CLDN10: variants seen among roughly 807,000 people sequenced by gnomAD.
CLDN10 encodes claudin-10.
A neutral mutation model predicts 22.9 loss-of-function variants in CLDN10; 15 were observed. The observed-to-expected ratio is 0.65, with a 90% CI of 0.44 to 1.01. CLDN10 has a LOEUF of 1.01. Ranked by LOEUF, CLDN10 falls within the 50% of genes least tolerant of loss-of-function variation. CLDN10 has a pLI of 0.00. For missense variants in CLDN10, 247 were observed against 287.8 expected (o/e 0.86, Z 1.03); for synonymous variants, 114 against 111.4 (o/e 1.02, Z -0.15).
chr13:95,555,315 C>T (rs556987782), intron 1 of CLDN10, among the ~76,000 whole-genome samples: 81 of 152,242 alleles, frequency 5.3e-4, no homozygotes, highest in Admixed American at 1.0e-3. Context: ...CCCAAAGTGC[C>T]GGGATTACAG....
At chr13:95,552,635 G>A (rs2138641897), upstream of CLDN10, 3 of 1,271,754 alleles carry the variant, frequency 2.4e-6, no homozygotes, top group Non-Finnish European at 3.1e-6. Flanking sequence ...CGCTGGGCGG[G>A]GTGGTGGGCG....
chr13:95,552,626 G>T, upstream of CLDN10: 2 of 1,228,736 alleles, frequency 1.6e-6, no homozygotes, highest in African/African-American at 1.6e-5. Flanking sequence ...CGCCGGGTCC[G>T]CTGGGCGGGG....
At chr13:95,526,351 A>G (rs2043280756) in intron 1 of CLDN10, among the ~76,000 whole-genome samples, 2 of 152,162 alleles carry the variant, frequency 1.3e-5, no homozygotes, top group African/African-American at 4.8e-5. Context: ...GAATTTAAGA[A>G]TTCATTAGAA....
intron 3 of CLDN10, among the ~76,000 whole-genome samples, chr13:95,567,122 A>G (rs1177046579): frequency 6.6e-6 from 1 of 152,088 alleles, no homozygotes; most frequent in Non-Finnish European, 1.5e-5. Context: ...TTGGTTTCAT[A>G]TGAATTTTAG....
chr13:95,512,828 G>T (rs2043118930), intron 1 of CLDN10, among the ~76,000 whole-genome samples: 1 of 152,172 alleles, frequency 6.6e-6, no homozygotes, highest in Non-Finnish European at 1.5e-5. Context: ...GCCAGGTTTT[G>T]ACTTTTGTTT....
At chr13:95,460,880 C>T (rs996008944) in intron 1 of CLDN10, among the ~76,000 whole-genome samples, 9 of 152,184 alleles carry the variant, frequency 5.9e-5, no homozygotes, top group East Asian at 1.9e-4. Context: ...AGGCTGAGGC[C>T]GGCGGATTGC....
rs529845677 is a variant in CLDN10, at chr13:95,573,333, G to A, written c.465-3898G>A. On this transcript the variant is annotated intron_variant, in intron 3 of 4. Transcript: ENST00000299339. Reference sequence around the variant, plus strand: ...ATGAAGTTCTGTCCTCAACCTGAAAGTCATGGATATGGATTGGTCCAGTGT... The same window carrying A: ...ATGAAGTTCTGTCCTCAACCTGAAAATCATGGATATGGATTGGTCCAGTGT... 3.9e-5 allele frequency among the ~76,000 whole-genome samples: 6 copies of A among 152,344 alleles called. No homozygotes were observed. The South Asian group carries it at 1.2e-3, about 32-fold the overall frequency.
In CLDN10 at chr13:95,552,782, C is replaced by T; in HGVS notation, c.29C>T (p.Ala10Val). The change falls in exon 1 of 5, where the codon GCC (alanine) becomes GTC (valine). Residue 10 changes from alanine to valine, a missense_variant. Physicochemically the swap from Ala to Val is moderately conservative, Grantham distance 64. Coordinates refer to ENST00000299339, the MANE Select transcript of CLDN10 (RefSeq NM_006984.5). MASTASEII[A>V]FMVSISGWVL... is the part of the protein sequence containing the mutation. ...GCTAGCACGGCTTCGGAGATCATCG[C>T]CTTCATGGTCTCCATCTCAGGCTGG... is the stretch of plus-strand genomic sequence containing the variant. 9 of 1,613,554 alleles carry T rather than the reference C, an allele frequency of 5.6e-6. No homozygotes were observed. The highest frequency in any genetic ancestry group is 1.3e-5 in the African/African-American group (1 of 75,050).
In CLDN10 at chr13:95,579,740, A is replaced by G. The variant is rs2043988810; in HGVS notation, c.*1726A>G. On this transcript the variant is annotated 3_prime_UTR_variant, in exon 5 of 5. Coordinates refer to ENST00000299339, the MANE Select transcript of CLDN10 (RefSeq NM_006984.5). ...CAAGTTTGTTAAAAGATAAAAAATA[A>G]AAAAAATTCCATACCTTGATAATCC... is the stretch of plus-strand genomic sequence containing the variant. 6.6e-6 allele frequency: 1 copy of G among 152,220 alleles called. No individual in the cohort carries two copies. Among genetic ancestry groups the G allele is most frequent in the Non-Finnish European group, 1.5e-5 (1 of 68,032 alleles). The allele number at this position is 152,220 out of a possible 1,614,324, so 9.4% of individuals were successfully genotyped here.
rs55861640 is a variant in CLDN10 at position 95,570,858 on chromosome 13, G to GTATATATATATATATATATATATA, written c.465-6370_465-6347dup. 1.7e-3 allele frequency among the ~76,000 whole-genome samples: 203 copies of GTATATATATATATATATATATATA among 119,594 alleles called. 3 individuals carry two copies. The highest frequency in any genetic ancestry group is 2.3e-3 in the Non-Finnish European group (135 of 58,416). 78.5% of individuals were successfully genotyped at this position (119,594 alleles called of 152,430 possible). On this transcript the variant is annotated intron_variant, in intron 3 of 4. Transcript: ENST00000299339. ...CACACACACACACACATATACGTGTGTATATATATATATATATATATATAT... is the reference window on the plus strand; with the variant it reads ...CACACACACACACACATATACGTGTGTATATATATATATATATATATATATATATATATATATATATATATATAT...
rs912521036 is a variant in CLDN10, at chr13:95,434,152, T to G, written c.214+105T>G. 4.2e-5 allele frequency: 42 copies of G among 992,412 alleles called. No individual in the cohort carries two copies. The Admixed American group carries it at 8.5e-4, about 20-fold the overall frequency. The allele number at this position is 992,412 out of a possible 1,614,324, so 61.5% of individuals were successfully genotyped here. A position where few individuals can be genotyped will look rare whatever the true frequency, so the allele number is the denominator to read the frequency against. On this transcript the variant is annotated intron_variant, in intron 1 of 4. Coordinates refer to the CLDN10 transcript ENST00000376873. ...GGCTGTTAACTCTCTGAAGACTGAGTGCTTAATCAAAGTGCCAAGATTTGC... is the reference window on the plus strand; with the variant it reads ...GGCTGTTAACTCTCTGAAGACTGAGGGCTTAATCAAAGTGCCAAGATTTGC...
intron 1 of CLDN10, among the ~76,000 whole-genome samples, chr13:95,449,329 G>A (rs1273550462): frequency 6.6e-6 from 1 of 152,032 alleles, no homozygotes; most frequent in Admixed American, 6.6e-5. Flanking sequence ...TCGGCTCACT[G>A]CAAACTTCAT....
rs555505929 is a variant in CLDN10 at position 95,515,044 on chromosome 13, G to A, written c.215-45088G>A. On this transcript the variant is annotated intron_variant, in intron 1 of 4. Coordinates refer to the CLDN10 transcript ENST00000376873. ...GGGTCTTGCTATGTTGACCAACCTG[G>A]AGTACAGTGACTATTCACAGACTTG... Among the ~76,000 whole-genome samples the A allele has an allele frequency of 1.8e-4, 28 of 152,294 alleles. No homozygotes were observed. In the South Asian group the frequency reaches 5.0e-3, roughly 27 times the overall value.
At chr13:95,550,277 A>G (rs2043549735), upstream of CLDN10, among the ~76,000 whole-genome samples, 1 of 152,232 alleles carries the variant, frequency 6.6e-6, no homozygotes, top group Non-Finnish European at 1.5e-5. Flanking sequence ...CTGGTTTAAA[A>G]CACCAAACCA....
chr13:95,498,606 G>C (rs111998434), intron 1 of CLDN10, among the ~76,000 whole-genome samples: 4,285 of 152,160 alleles, frequency 0.028, 88 homozygotes, highest in Middle Eastern at 0.072. Flanking sequence ...TGTTTGCCAG[G>C]CTGGTCTCAA....
chr13:95,522,048 C>CTTTTCT (rs2043229167), intron 1 of CLDN10, among the ~76,000 whole-genome samples: 1 of 151,832 alleles, frequency 6.6e-6, no homozygotes, highest in Non-Finnish European at 1.5e-5. Flanking sequence ...TGTGCTGCTT[C>CTTTTCT]TTTTCTTTTT....
In CLDN10 at chr13:95,538,919, G is replaced by A. The variant is rs562538307; in HGVS notation, c.215-21213G>A. Among the ~76,000 whole-genome samples, 23 of 152,016 alleles carry A rather than the reference G, an allele frequency of 1.5e-4. No homozygotes were observed. In the South Asian group the frequency reaches 2.5e-3, roughly 17 times the overall value. On this transcript the variant is annotated intron_variant, in intron 1 of 4. Transcript: ENST00000376873. ...TTTTGAGATGGAGTCTCGCTCTGTC[G>A]CTCAGGCTGGAGTGCAGTGGCACAA...
At chr13:95,489,795 C>T (rs967566237) in intron 1 of CLDN10, among the ~76,000 whole-genome samples, 1 of 152,148 alleles carries the variant, frequency 6.6e-6, no homozygotes, top group Non-Finnish European at 1.5e-5. Flanking sequence ...CTTGCCTAAG[C>T]CAATGTCTAG....
intron 1 of CLDN10, among the ~76,000 whole-genome samples, chr13:95,511,847 TTTA>T (rs1221834470): frequency 7.4e-6 from 1 of 134,730 alleles, no homozygotes; most frequent in African/African-American, 2.5e-5. Flanking sequence ...TTTTTCTCTT[TTTA>T]TTATTATTAT....
Sources: gnomAD v4.1 joint callset for allele counts (sites outside exome capture counted in the v4.1 genomes callset) on GRCh38, gnomAD v4.1.1 for gene constraint, MANE v1.5 for transcripts, NCBI Gene and HGNC (gene_info 2026-07-23, HGNC 2026-07-21) for gene names.